Variants in PEAK1 observed in about 807,000 individuals in gnomAD.
The protein encoded by PEAK1 is inactive tyrosine-protein kinase PEAK1.
Under a neutral mutation model 124.7 loss-of-function variants are expected in PEAK1, and 54 were observed. The ratio of observed to expected loss-of-function variants is 0.43; its 90% CI spans 0.35 to 0.54. PEAK1 has a LOEUF of 0.54. Among genes scored for constraint, PEAK1 ranks in the 20% least tolerant of loss-of-function variants. The pLI, the probability that PEAK1 is intolerant of heterozygous loss-of-function variation, is 0.01. For missense variants in PEAK1, 2,046 were observed against 2,134.5 expected (o/e 0.96, Z 0.82); for synonymous variants, 719 against 760.0 (o/e 0.95, Z 0.89).
At chr15:77,225,671 T>C (rs1424803845) in intron 6 of PEAK1, among the ~76,000 whole-genome samples, 2 of 125,078 alleles carry the variant, frequency 1.6e-5, no homozygotes, top group African/African-American at 6.9e-5. Flanking sequence ...ATAATTTATA[T>C]ATATATATAT....
intron 6 of PEAK1, among the ~76,000 whole-genome samples, chr15:77,217,100 G>A (rs892738239): frequency 6.6e-6 from 1 of 151,810 alleles, no homozygotes; most frequent in Non-Finnish European, 1.5e-5. Flanking sequence ...ATGGTGGCAT[G>A]CACCTGCAGT....
chr15:77,268,481 A>T (rs1486817121), intron 5 of PEAK1, among the ~76,000 whole-genome samples: 4 of 152,100 alleles, frequency 2.6e-5, no homozygotes, highest in African/African-American at 7.2e-5. Context: ...CTCAAAAAAA[A>T]AAAAAGAACA....
At chr15:77,187,710 A>G (rs1312106833) in intron 6 of PEAK1, among the ~76,000 whole-genome samples, 1 of 152,212 alleles carries the variant, frequency 6.6e-6, no homozygotes, top group East Asian at 1.9e-4. Context: ...AAAATCTGTC[A>G]CATTGCCATG....
intron 2 of PEAK1, chr15:77,352,593 T>C (rs1281448179): frequency 1.6e-5 from 15 of 949,582 alleles, no homozygotes; most frequent in Non-Finnish European, 1.9e-5. Flanking sequence ...AAACTACAAA[T>C]TGAGAATTAG....
intron 1 of PEAK1, chr15:77,370,812 A>C (rs2068583577): frequency 1.2e-6 from 1 of 855,344 alleles, no homozygotes; most frequent in African/African-American, 1.8e-5. Context: ...CAGGCGGATA[A>C]TGAGGTCAGG....
intron 7 of PEAK1, among the ~76,000 whole-genome samples, chr15:77,168,084 C>G (rs970880060): frequency 6.6e-6 from 1 of 152,092 alleles, no homozygotes; most frequent in Non-Finnish European, 1.5e-5. Context: ...AGAGGTAATG[C>G]AAATTAAGAT....
intron 6 of PEAK1, among the ~76,000 whole-genome samples, chr15:77,212,721 C>T (rs2152864433): frequency 6.6e-6 from 1 of 152,244 alleles, no homozygotes; most frequent in Middle Eastern, 3.4e-3. Context: ...CATCTATAAA[C>T]AACAAACCAG....
chr15:77,321,727 T>A (rs2065231052), intron 2 of PEAK1, among the ~76,000 whole-genome samples: 1 of 152,188 alleles, frequency 6.6e-6, no homozygotes, highest in Admixed American at 6.5e-5. Context: ...GTGAAGTCCT[T>A]GCCCATGCCT....
intron 5 of PEAK1, among the ~76,000 whole-genome samples, chr15:77,277,368 A>C (rs2062389273): frequency 6.6e-6 from 1 of 152,160 alleles, no homozygotes; most frequent in Non-Finnish European, 1.5e-5. Flanking sequence ...CATTGGGTTA[A>C]GGAATTCTGT....
intron 2 of PEAK1, among the ~76,000 whole-genome samples, chr15:77,320,365 T>A (rs532111202): frequency 6.6e-6 from 1 of 152,168 alleles, no homozygotes; most frequent in South Asian, 2.1e-4. Flanking sequence ...ATATTTTATA[T>A]CCCTAGTGCT....
intron 2 of PEAK1, among the ~76,000 whole-genome samples, chr15:77,302,320 G>A (rs2063829636): frequency 6.6e-6 from 1 of 152,056 alleles, no homozygotes; most frequent in African/African-American, 2.4e-5. Flanking sequence ...ATTTCCATAT[G>A]CAACCATGTG....
At chr15:77,212,061 A>AT (rs2058932789) in intron 6 of PEAK1, among the ~76,000 whole-genome samples, 1 of 152,124 alleles carries the variant, frequency 6.6e-6, no homozygotes, top group African/African-American at 2.4e-5. Context: ...GAAAGAACTA[A>AT]TAACTATTGG....
intron 2 of PEAK1, among the ~76,000 whole-genome samples, chr15:77,297,569 T>C (rs541699251): frequency 1.3e-5 from 2 of 151,696 alleles, no homozygotes; most frequent in South Asian, 4.2e-4. Context: ...TGTAAGCATG[T>C]GAAATCTGGT....
At chr15:77,276,422 A>C (rs2062330755) in intron 5 of PEAK1, among the ~76,000 whole-genome samples, 1 of 152,190 alleles carries the variant, frequency 6.6e-6, no homozygotes. Context: ...CGGAAGCCAG[A>C]AGGAACTGGC....
intron 5 of PEAK1, among the ~76,000 whole-genome samples, chr15:77,254,175 A>G (rs1035736500): frequency 6.6e-6 from 1 of 151,954 alleles, no homozygotes; most frequent in Non-Finnish European, 1.5e-5. Flanking sequence ...TTTTCTTTGC[A>G]TTTATTCTAC....
At chr15:77,309,306 A>T (rs2064292494) in intron 2 of PEAK1, among the ~76,000 whole-genome samples, 1 of 152,110 alleles carries the variant, frequency 6.6e-6, no homozygotes. Flanking sequence ...TTCAGCGGCC[A>T]CCATTGCTTT....
chr15:77,371,191 A>G, intron 1 of PEAK1: 1 of 983,170 alleles, frequency 1.0e-6, no homozygotes, highest in Non-Finnish European at 1.2e-6. Context: ...CCTTTTTACT[A>G]AGTAATTTTA....
intron 2 of PEAK1, among the ~76,000 whole-genome samples, chr15:77,310,768 G>A (rs1268145257): frequency 6.6e-6 from 1 of 152,122 alleles, no homozygotes; most frequent in African/African-American, 2.4e-5. Context: ...CCTGGCTTGG[G>A]GATAACCTAA....
At chr15:77,151,084 C>A (rs2054582830) in intron 8 of PEAK1, among the ~76,000 whole-genome samples, 2 of 152,182 alleles carry the variant, frequency 1.3e-5, no homozygotes, top group Non-Finnish European at 2.9e-5. Context: ...TGAGGCATCG[C>A]CACACTGACT....
Sources: allele counts gnomAD v4.1 joint callset (sites outside exome capture counted in the v4.1 genomes callset), GRCh38; gene constraint gnomAD v4.1.1; transcripts MANE v1.5; gene names NCBI Gene and HGNC (gene_info 2026-07-23, HGNC 2026-07-21).